ZMAT4: variants seen among roughly 807,000 people sequenced by gnomAD.
ZMAT4 encodes the protein zinc finger matrin-type protein 4.
Under a neutral mutation model 28.7 loss-of-function variants are expected in ZMAT4, and 17 were observed. That is an observed-to-expected ratio of 0.59 (90% confidence interval 0.41 to 0.89). ZMAT4 has a LOEUF of 0.89. Ranked by LOEUF, ZMAT4 falls within the 40% of genes least tolerant of loss-of-function variation. The pLI is 0.00. For missense variants in ZMAT4, 240 were observed against 283.8 expected (o/e 0.85, Z 1.11); for synonymous variants, 117 against 109.2 (o/e 1.07, Z -0.44).
intron 5 of ZMAT4, among the ~76,000 whole-genome samples, chr8:40,639,021 G>A (rs1261578210): frequency 1.3e-5 from 2 of 152,168 alleles, no homozygotes; most frequent in Non-Finnish European, 1.5e-5. Context: ...CCTCTGTGCT[G>A]GCGGACTGCA....
At chr8:40,847,710 A>G (rs529998780) in intron 1 of ZMAT4, among the ~76,000 whole-genome samples, 12 of 152,212 alleles carry the variant, frequency 7.9e-5, no homozygotes, top group African/African-American at 2.6e-4. Context: ...CACGTTCCCT[A>G]TAATTGGGCT....
At chr8:40,718,284 T>C (rs1425795835) in intron 3 of ZMAT4, among the ~76,000 whole-genome samples, 2 of 152,172 alleles carry the variant, frequency 1.3e-5, no homozygotes, top group African/African-American at 4.8e-5. Context: ...CAGCCTGCCA[T>C]GGAGGTTAGG....
At chr8:40,604,708 C>T (rs1056071291) in intron 5 of ZMAT4, among the ~76,000 whole-genome samples, 3 of 152,026 alleles carry the variant, frequency 2.0e-5, no homozygotes, top group African/African-American at 7.2e-5. Context: ...CCTTTCTTGG[C>T]TTTGCTATCA....
chr8:40,612,315 T>C (rs913286880), intron 5 of ZMAT4, among the ~76,000 whole-genome samples: 1 of 97,080 alleles, frequency 1.0e-5, no homozygotes, highest in African/African-American at 2.9e-5. Context: ...CCATTTTGTG[T>C]GTCAATACAA....
At chr8:40,583,368 A>G (rs1804556960) in intron 5 of ZMAT4, among the ~76,000 whole-genome samples, 3 of 152,304 alleles carry the variant, frequency 2.0e-5, no homozygotes, top group Admixed American at 2.0e-4. Flanking sequence ...TGTACCCTGT[A>G]TGAAAGAAGC....
chr8:40,844,240 G>T (rs1237237739), intron 1 of ZMAT4, among the ~76,000 whole-genome samples: 19 of 152,228 alleles, frequency 1.2e-4, no homozygotes. Flanking sequence ...CAGAGAGCTG[G>T]TAAAACAGTA....
chr8:40,635,701 A>C (rs1002001781), intron 5 of ZMAT4, among the ~76,000 whole-genome samples: 2 of 152,214 alleles, frequency 1.3e-5, no homozygotes, highest in Non-Finnish European at 2.9e-5. Context: ...TTAATTTATT[A>C]ATTCTGCACC....
intron 5 of ZMAT4, among the ~76,000 whole-genome samples, chr8:40,590,961 T>C (rs979823896): frequency 2.0e-5 from 3 of 152,122 alleles, no homozygotes; most frequent in African/African-American, 7.2e-5. Context: ...TGGTTGGTTG[T>C]AACTGTCTAG....
chr8:40,585,954 A>G (rs886632843), intron 5 of ZMAT4, among the ~76,000 whole-genome samples: 3 of 152,234 alleles, frequency 2.0e-5, no homozygotes, highest in Non-Finnish European at 4.4e-5. Context: ...GGGCATTTTT[A>G]AGAACTCCAA....
intron 5 of ZMAT4, among the ~76,000 whole-genome samples, chr8:40,634,106 T>C (rs1005556055): frequency 1.3e-5 from 2 of 151,780 alleles, no homozygotes; most frequent in Non-Finnish European, 2.9e-5. Context: ...TAGAAATGAA[T>C]GAAAAGTAAA....
chr8:40,715,865 AC>A, intron 3 of ZMAT4, among the ~76,000 whole-genome samples: 1 of 152,328 alleles, frequency 6.6e-6, no homozygotes, highest in African/African-American at 2.4e-5. Flanking sequence ...ACAACCTGCA[AC>A]CCTGACAACA....
intron 3 of ZMAT4, among the ~76,000 whole-genome samples, chr8:40,732,967 T>C (rs1271516991): frequency 1.4e-5 from 2 of 145,742 alleles, no homozygotes; most frequent in Admixed American, 1.4e-4. Flanking sequence ...CACCTCACCC[T>C]GCCAAGTAGC....
At chr8:40,895,731 T>A (rs145960224) in intron 1 of ZMAT4, among the ~76,000 whole-genome samples, 2 of 152,302 alleles carry the variant, frequency 1.3e-5, no homozygotes, top group Non-Finnish European at 2.9e-5. Context: ...TCCAACAGAT[T>A]GGCATCAATT....
chr8:40,688,435 G>A (rs999816928), intron 4 of ZMAT4, among the ~76,000 whole-genome samples: 8 of 152,060 alleles, frequency 5.3e-5, no homozygotes, highest in Non-Finnish European at 7.4e-5. Context: ...CAGCCTGGGT[G>A]ACAGGGCAAG....
chr8:40,711,759 A>G (rs933321751), intron 3 of ZMAT4, among the ~76,000 whole-genome samples: 1 of 152,226 alleles, frequency 6.6e-6, no homozygotes, highest in Admixed American at 6.5e-5. Context: ...CAAAAACTCA[A>G]GAAAGTGATT....
Position 40,596,862 on chromosome 8 carries a change from C to T in ZMAT4, c.578-15601G>A, listed in dbSNP as rs140314101. ...TGTTCCAACTCTCCCACAGAGAGGACGAAGGCCATAGGCACAGCATAGGGC... is the reference window on the plus strand; with the variant it reads ...TGTTCCAACTCTCCCACAGAGAGGATGAAGGCCATAGGCACAGCATAGGGC... On this transcript the variant is annotated intron_variant, in intron 5 of 6. Coordinates refer to ENST00000297737, the MANE Select transcript of ZMAT4 (RefSeq NM_024645.3). Among the ~76,000 whole-genome samples, 668 of 152,242 alleles carry T rather than the reference C, an allele frequency of 4.4e-3. 3 individuals carry two copies. Among genetic ancestry groups the T allele is most frequent in the Admixed American group, 6.9e-3 (106 of 15,286 alleles).
chr8:40,550,389 A>G (rs979933741), intron 6 of ZMAT4, among the ~76,000 whole-genome samples: 3 of 152,126 alleles, frequency 2.0e-5, no homozygotes, highest in Non-Finnish European at 4.4e-5. Flanking sequence ...GGTGTTTTCC[A>G]TAATAAAATT....
chr8:40,561,143 G>A (rs1455979144), intron 6 of ZMAT4, among the ~76,000 whole-genome samples: 1 of 152,018 alleles, frequency 6.6e-6, no homozygotes, highest in Non-Finnish European at 1.5e-5. Flanking sequence ...TGTGCAAAGA[G>A]ATTCAGTGTC....
chr8:40,826,438 A>G (rs1444608116), intron 1 of ZMAT4, among the ~76,000 whole-genome samples: 1 of 152,220 alleles, frequency 6.6e-6, no homozygotes, highest in Non-Finnish European at 1.5e-5. Flanking sequence ...TTGGGAAATG[A>G]CAGAAAATTG....
Sources: gnomAD v4.1 joint callset for allele counts (sites outside exome capture counted in the v4.1 genomes callset) on GRCh38, gnomAD v4.1.1 for gene constraint, MANE v1.5 for transcripts, NCBI Gene and HGNC (gene_info 2026-07-23, HGNC 2026-07-21) for gene names.